PDE1C: variants seen among roughly 807,000 people sequenced by gnomAD.
PDE1C encodes the protein dual specificity calcium/calmodulin-dependent 3',5'-cyclic nucleotide phosphodiesterase 1C.
A neutral mutation model predicts 93.1 loss-of-function variants in PDE1C; 62 were observed. The observed-to-expected ratio is 0.67, with a 90% confidence interval of 0.54 to 0.82. The LOEUF (loss-of-function observed/expected upper bound fraction) is 0.82, where lower values mean the gene tolerates loss of function less well. PDE1C is among the 40% of genes least tolerant of loss of function. The pLI, the probability that PDE1C is intolerant of heterozygous loss-of-function variation, is 0.00. For missense variants in PDE1C, 742 were observed against 884.6 expected, an observed-to-expected ratio of 0.84 and a Z score of 2.04; for synonymous variants, 325 against 310.1, an observed-to-expected ratio of 1.05 and a Z score of -0.50.
intron 1 of PDE1C, among the ~76,000 whole-genome samples, chr7:32,407,987 T>C (rs1045277541): frequency 1.3e-5 from 2 of 152,138 alleles, no homozygotes; most frequent in Non-Finnish European, 2.9e-5. Flanking sequence ...CTGTTTTTAA[T>C]TGTAAAAAGA....
intron 2 of PDE1C, among the ~76,000 whole-genome samples, chr7:32,027,798 AT>A (rs1789689562): frequency 6.6e-6 from 1 of 151,806 alleles, no homozygotes; most frequent in Admixed American, 6.6e-5. Flanking sequence ...AGTGATTGCC[AT>A]TTTCCTCAAA....
upstream of PDE1C, among the ~76,000 whole-genome samples, chr7:32,302,427 G>A (rs1562663419): frequency 1.3e-5 from 2 of 152,136 alleles, no homozygotes. Flanking sequence ...GTGTGATCCT[G>A]ACTTCACTGC....
intron 16 of PDE1C, among the ~76,000 whole-genome samples, chr7:31,802,741 G>A (rs1171274279): frequency 6.6e-6 from 1 of 151,470 alleles, no homozygotes; most frequent in Non-Finnish European, 1.5e-5. Flanking sequence ...TAGCTCCACT[G>A]TCTTATTTGC....
chr7:31,730,795 G>A, the PDE1C span, among the ~76,000 whole-genome samples: 1 of 151,892 alleles, frequency 6.6e-6, no homozygotes. Flanking sequence ...AGATAGTCGG[G>A]TTTCTTCTGC....
chr7:32,034,462 A>G (rs1790772173), intron 2 of PDE1C, among the ~76,000 whole-genome samples: 1 of 152,126 alleles, frequency 6.6e-6, no homozygotes, highest in South Asian at 2.1e-4. Flanking sequence ...TTAGCAGTGA[A>G]AAAAGAGGCT....
chr7:32,393,654 GC>G (rs1422006800), intron 1 of PDE1C, among the ~76,000 whole-genome samples: 2 of 152,112 alleles, frequency 1.3e-5, no homozygotes, highest in Non-Finnish European at 1.5e-5. Flanking sequence ...AATTCTAGGA[GC>G]CTAAAATAGC....
chr7:31,635,799 G>A, the PDE1C span, among the ~76,000 whole-genome samples: 2 of 152,038 alleles, frequency 1.3e-5, no homozygotes, highest in Non-Finnish European at 2.9e-5. Flanking sequence ...TCAGAGGAGA[G>A]GAACAGGAAA....
intron 16 of PDE1C, among the ~76,000 whole-genome samples, chr7:31,805,460 T>C (rs1338581716): frequency 6.6e-6 from 1 of 151,890 alleles, no homozygotes; most frequent in African/African-American, 2.4e-5. Flanking sequence ...AGTTTATCTC[T>C]CTGTAATCCT....
chr7:32,216,212 A>G (rs1156571815), intron 1 of PDE1C, among the ~76,000 whole-genome samples: 1 of 152,188 alleles, frequency 6.6e-6, no homozygotes, highest in East Asian at 1.9e-4. Context: ...TAACTATCCT[A>G]GCTCAGATAT....
intron 2 of PDE1C, among the ~76,000 whole-genome samples, chr7:31,946,056 C>A (rs1290276979): frequency 6.6e-6 from 1 of 152,078 alleles, no homozygotes; most frequent in African/African-American, 2.4e-5. Flanking sequence ...CTTACATTGC[C>A]CATCTATTAT....
At chr7:31,786,842 C>G (rs1281312860) in intron 16 of PDE1C, 1 of 152,022 alleles carries the variant, frequency 6.6e-6, no homozygotes, top group East Asian at 1.9e-4. Flanking sequence ...AAAGTAATTT[C>G]CATCATCAAA....
intron 17 of PDE1C, among the ~76,000 whole-genome samples, chr7:31,766,377 G>T (rs1318011133): frequency 1.5e-5 from 2 of 131,594 alleles, no homozygotes; most frequent in African/African-American, 5.2e-5. Flanking sequence ...GAGCAAGACT[G>T]TGTCTCAAAA....
the PDE1C span, among the ~76,000 whole-genome samples, chr7:31,721,695 T>C: frequency 6.6e-6 from 1 of 152,206 alleles, no homozygotes; most frequent in Non-Finnish European, 1.5e-5. Context: ...ATAGGAGTAA[T>C]AGCAATACTT....
upstream of PDE1C, chr7:32,071,353 G>A (rs1796041935): frequency 4.1e-6 from 4 of 985,530 alleles, no homozygotes; most frequent in Non-Finnish European, 4.8e-6. Flanking sequence ...CCACAGAACC[G>A]GATCCATTTT....
intron 2 of PDE1C, among the ~76,000 whole-genome samples, chr7:31,953,203 G>C (rs1284971711): frequency 6.6e-6 from 1 of 152,096 alleles, no homozygotes; most frequent in African/African-American, 2.4e-5. Flanking sequence ...CAAACTACTT[G>C]AACGTGTTTG....
intron 1 of PDE1C, among the ~76,000 whole-genome samples, chr7:32,286,817 G>A (rs145503910): frequency 2.5e-3 from 378 of 152,354 alleles, no homozygotes; most frequent in Non-Finnish European, 4.2e-3. Flanking sequence ...TCTGGATAAT[G>A]AGGTTTTCTT....
intron 1 of PDE1C, among the ~76,000 whole-genome samples, chr7:32,220,804 C>T (rs1045170710): frequency 2.0e-5 from 3 of 152,070 alleles, no homozygotes; most frequent in African/African-American, 7.2e-5. Context: ...GGCGACAGAG[C>T]GAGACTCCAT....
intron 7 of PDE1C, among the ~76,000 whole-genome samples, chr7:31,853,609 C>T (rs1423026192): frequency 4.6e-5 from 7 of 152,062 alleles, no homozygotes; most frequent in African/African-American, 9.7e-5. Context: ...GAAGTTCACA[C>T]GCAAGAGAGT....
intron 1 of PDE1C, among the ~76,000 whole-genome samples, chr7:32,334,453 A>T (rs1455003606): frequency 5.3e-5 from 8 of 152,042 alleles, no homozygotes; most frequent in African/African-American, 1.9e-4. Flanking sequence ...TTTCCCCCAT[A>T]GGTTATTGGG....
Sources: allele counts gnomAD v4.1 joint callset (sites outside exome capture counted in the v4.1 genomes callset), GRCh38; gene constraint gnomAD v4.1.1; transcripts MANE v1.5; gene names NCBI Gene and HGNC (gene_info 2026-07-23, HGNC 2026-07-21).